The following IL1RAPL1 variants were observed in gnomAD, a reference collection of about 807,000 sequenced individuals.
The protein encoded by IL1RAPL1 is interleukin-1 receptor accessory protein-like 1.
In IL1RAPL1, 3 loss-of-function variants were observed where a neutral mutation model predicts 48.4. The observed-to-expected ratio is 0.06, with a 90% CI of 0.03 to 0.16. The LOEUF is 0.16. Ranked by LOEUF, IL1RAPL1 falls within the 10% of genes least tolerant of loss-of-function variation. The pLI, the probability that IL1RAPL1 is intolerant of heterozygous loss-of-function variation, is 1.00. For missense variants in IL1RAPL1, 349 were observed against 530.6 expected, an observed-to-expected ratio of 0.66 and a Z score of 3.36; for synonymous variants, 185 against 187.7, an observed-to-expected ratio of 0.99 and a Z score of 0.12.
chrX:28,678,659 T>C (rs1189044974), intron 1 of IL1RAPL1, among the ~76,000 whole-genome samples: 3 of 111,649 alleles, frequency 2.7e-5, no homozygotes, highest in Non-Finnish European at 5.6e-5. Flanking sequence ...ACTGTAAATA[T>C]AGTATTTAAT....
At chrX:29,243,313 G>A (rs962733375) in intron 2 of IL1RAPL1, among the ~76,000 whole-genome samples, 1 of 111,988 alleles carries the variant, frequency 8.9e-6, no homozygotes, top group African/African-American at 3.2e-5. Context: ...CCAACCGCTG[G>A]CATCTGGCTC....
At position 29,917,456 on chromosome X, in the gene IL1RAPL1, C is replaced by T. The variant is rs200700252; in HGVS notation, c.779-8C>T. The T allele has an allele frequency of 1.7e-6, 2 of 1,208,249 alleles. No individual in the cohort carries two copies. The highest frequency in any genetic ancestry group is 2.2e-6 in the Non-Finnish European group (2 of 892,693). On this transcript the variant is annotated splice_polypyrimidine_tract_variant and splice_region_variant and intron_variant, in intron 6 of 10. Coordinates refer to ENST00000378993, the MANE Select transcript of IL1RAPL1 (RefSeq NM_014271.4). ...TTTATAACACTTTTCCATCACTTCT[C>T]TCTGCAGGTGACTCTGCTAATCTAA...
chrX:28,811,374 C>T (rs995942325), intron 2 of IL1RAPL1, among the ~76,000 whole-genome samples: 4 of 110,698 alleles, frequency 3.6e-5, no homozygotes, highest in African/African-American at 1.3e-4. Context: ...AATTGTAAAG[C>T]ATGAATTTTC....
chrX:29,639,914 G>T (rs1394445756), intron 5 of IL1RAPL1, among the ~76,000 whole-genome samples: 1 of 111,541 alleles, frequency 9.0e-6, no homozygotes, highest in African/African-American at 3.3e-5. Flanking sequence ...GCTCTTCTGA[G>T]CCAGAAGCAT....
intron 1 of IL1RAPL1, among the ~76,000 whole-genome samples, chrX:28,732,962 TC>T (rs1935773194): frequency 9.0e-6 from 1 of 111,581 alleles, no homozygotes; most frequent in East Asian, 2.8e-4. Context: ...CTGGATTAAT[TC>T]CTAGCTCTAT....
chrX:29,204,780 C>T (rs1421109634), intron 2 of IL1RAPL1, among the ~76,000 whole-genome samples: 1 of 111,490 alleles, frequency 9.0e-6, no homozygotes, highest in East Asian at 2.8e-4. Flanking sequence ...ATATTTACTC[C>T]CATTTTGCAG....
At chrX:29,359,655 A>G (rs143771260) in intron 3 of IL1RAPL1, among the ~76,000 whole-genome samples, 23 of 111,962 alleles carry the variant, frequency 2.1e-4, no homozygotes, top group African/African-American at 7.1e-4. Flanking sequence ...TTACCTAGTT[A>G]AATTTCCCAG....
chrX:29,216,734 A>G (rs1930876305), intron 2 of IL1RAPL1, among the ~76,000 whole-genome samples: 1 of 111,849 alleles, frequency 8.9e-6, no homozygotes, highest in East Asian at 2.8e-4. Flanking sequence ...AAGCAAGCAA[A>G]ATGTTGGCCT....
At chrX:29,109,085 T>A (rs1928508178) in intron 2 of IL1RAPL1, among the ~76,000 whole-genome samples, 1 of 111,168 alleles carries the variant, frequency 9.0e-6, no homozygotes, top group Non-Finnish European at 1.9e-5. Flanking sequence ...AACAAAAGAT[T>A]TGAAAAACGT....
chrX:28,776,432 A>G (rs1015666635), intron 1 of IL1RAPL1, among the ~76,000 whole-genome samples: 2 of 112,117 alleles, frequency 1.8e-5, no homozygotes, highest in Non-Finnish European at 3.8e-5. Flanking sequence ...AACCTCAGAT[A>G]GTGAAAATCT....
chrX:29,602,144 C>T (rs772818960), intron 5 of IL1RAPL1, among the ~76,000 whole-genome samples: 2,430 of 106,912 alleles, frequency 0.023, 140 homozygotes, highest in African/African-American at 0.086. Flanking sequence ...CCACCACACC[C>T]TGCTAATTTT....
intron 2 of IL1RAPL1, among the ~76,000 whole-genome samples, chrX:29,260,968 GTA>G (rs996709329): frequency 9.5e-6 from 1 of 105,724 alleles, no homozygotes; most frequent in Non-Finnish European, 1.9e-5. Flanking sequence ...ATAATAAAAT[GTA>G]TAGACAGTAA....
chrX:29,081,652 A>G (rs1430691204), intron 2 of IL1RAPL1, among the ~76,000 whole-genome samples: 1 of 111,927 alleles, frequency 8.9e-6, no homozygotes, highest in African/African-American at 3.2e-5. Flanking sequence ...TTTAAGAGGA[A>G]ATTGTTAATA....
At chrX:29,396,589 A>G in intron 4 of IL1RAPL1, 145 bp downstream of exon 4, 4 of 537,234 alleles carry the variant, frequency 7.4e-6, no homozygotes, top group South Asian at 2.7e-5. Flanking sequence ...ACTGGTCATT[A>G]TATGTTTTTT....
intron 2 of IL1RAPL1, among the ~76,000 whole-genome samples, chrX:29,250,577 C>G (rs757897087): frequency 9.0e-6 from 1 of 111,572 alleles, no homozygotes. Context: ...AGGTCTCTTC[C>G]TAAATGTTCT....
chrX:29,003,283 TAG>T (rs1925900800), intron 2 of IL1RAPL1, among the ~76,000 whole-genome samples: 2 of 111,435 alleles, frequency 1.8e-5, no homozygotes, highest in East Asian at 5.6e-4. Flanking sequence ...CCCGATTTAC[TAG>T]AGTTTAACTT....
At chrX:28,943,195 T>TA (rs541591430) in intron 2 of IL1RAPL1, among the ~76,000 whole-genome samples, 1,698 of 90,555 alleles carry the variant, frequency 0.019, 24 homozygotes, top group African/African-American at 0.051. Context: ...AGAGCAGCTT[T>TA]AAAAAAAAAA....
At chrX:29,343,117 A>T (rs946438388) in intron 3 of IL1RAPL1, among the ~76,000 whole-genome samples, 2 of 111,993 alleles carry the variant, frequency 1.8e-5, no homozygotes, top group African/African-American at 6.5e-5. Context: ...ATAATTGTTG[A>T]TTTCTTCCCT....
At chrX:29,073,042 C>T (rs225031) in intron 2 of IL1RAPL1, among the ~76,000 whole-genome samples, 38,211 of 110,757 alleles carry the variant, frequency 0.34, 5,937 homozygotes, top group Non-Finnish European at 0.48. Flanking sequence ...GCAACAGAAA[C>T]GTCCTATTTC....
Sources: allele counts gnomAD v4.1 joint callset (sites outside exome capture counted in the v4.1 genomes callset), GRCh38; gene constraint gnomAD v4.1.1; transcripts MANE v1.5; gene names NCBI Gene and HGNC (gene_info 2026-07-23, HGNC 2026-07-21).